CGN: variants seen among roughly 807,000 people sequenced by gnomAD.
CGN encodes cingulin.
A neutral mutation model predicts 157.1 loss-of-function variants in CGN; 121 were observed. The ratio of observed to expected loss-of-function variants is 0.77; its 90% CI spans 0.66 to 0.90. The LOEUF (loss-of-function observed/expected upper bound fraction) is 0.90, where lower values mean the gene tolerates loss of function less well. CGN is among the 40% of genes least tolerant of loss of function. The probability of loss-of-function intolerance (pLI) is 0.00; values close to 1 mark genes in which losing one functional copy is unlikely to be tolerated. For missense variants in CGN, 1,424 were observed against 1,520.9 expected (o/e 0.94, Z 1.06); for synonymous variants, 535 against 607.5 (o/e 0.88, Z 1.76).
At position 151,523,454 on chromosome 1, in the gene CGN, A is replaced by G; in HGVS notation, c.1161A>G (p.Pro387=). ...EEVKKRQKLE[P]SQVGLERQLE... is the part of the protein sequence containing the mutation. ...TACAGAAGCGGCAGAAGCTAGAGCC[A>G]TCCCAAGTTGGGCTGGAGCGGCAGC... The change falls in exon 6 of 21, where the codon CCA becomes CCG. Residue 387 remains proline, a synonymous_variant. Coordinates refer to ENST00000271636, the MANE Select transcript of CGN (RefSeq NM_020770.3). 2 of 1,613,074 alleles carry G rather than the reference A, an allele frequency of 1.2e-6. No homozygotes were observed. The highest frequency in any genetic ancestry group is 2.2e-5 in the East Asian group (1 of 44,858).
chr1:151,519,100 G>A lies in CGN; in HGVS notation c.581G>A (p.Arg194Gln), dbSNP rs563727271. 7 of 1,614,088 alleles carry A rather than the reference G, an allele frequency of 4.3e-6. No homozygotes were observed. The Admixed American group carries it at 5.0e-5, about 12-fold the overall frequency. Reference sequence around the variant, plus strand: ...GACAGTCAACTTGGAGGCCAGGCCCGGGGTCGGACTGGCCGCCGAACACGG... The same window carrying A: ...GACAGTCAACTTGGAGGCCAGGCCCAGGGTCGGACTGGCCGCCGAACACGG... ...KFDSQLGGQA[R>Q]GRTGRRTRML... The change falls in exon 2 of 21, where the codon CGG becomes CAG. Residue 194 changes from arginine to glutamine, a missense_variant. By Grantham distance (43) the Arg-to-Gln change is conservative. Around this residue, in one of 3 missense-constraint regions of CGN, gnomAD observed 1,187 missense variants for 1,217.6 expected, o/e 0.97. Coordinates refer to ENST00000271636, the MANE Select transcript of CGN (RefSeq NM_020770.3).
upstream of CGN, among the ~76,000 whole-genome samples, chr1:151,511,234 G>A (rs960915201): frequency 1.5e-4 from 23 of 152,204 alleles, no homozygotes; most frequent in Non-Finnish European, 2.1e-4. The surrounding 1 kb of genome is among the most constrained non-coding windows in gnomAD (Gnocchi z 4.8). Flanking sequence ...GCCCTTCGCG[G>A]CTGGAGACCC....
intron 11 of CGN, 56 bp downstream of exon 11, chr1:151,529,615 T>C: frequency 4.7e-6 from 7 of 1,490,212 alleles, no homozygotes; most frequent in Non-Finnish European, 6.5e-6. Flanking sequence ...TCTGGAGGGC[T>C]GAGGAGCCAG....
In CGN at chr1:151,511,989, C is replaced by T. The variant is rs756338935; in HGVS notation, c.-15+474C>T. ...TGCGGTCTCAGCTGGCCGTTGTCAGCACCCTGGTGGCTTTGAGATGACTCT... is the reference window on the plus strand; with the variant it reads ...TGCGGTCTCAGCTGGCCGTTGTCAGTACCCTGGTGGCTTTGAGATGACTCT... On this transcript the variant is annotated intron_variant, in intron 1 of 20. Coordinates refer to ENST00000271636, the MANE Select transcript of CGN (RefSeq NM_020770.3). The surrounding 1 kb of genome is among the most constrained non-coding windows in gnomAD (Gnocchi z 4.8). Among the ~76,000 whole-genome samples, 13 of 152,162 alleles carry T rather than the reference C, an allele frequency of 8.5e-5. No homozygotes were observed. The highest frequency in any genetic ancestry group is 1.0e-4 in the Non-Finnish European group (7 of 68,026).
intron 12 of CGN, 43 bp downstream of exon 12, chr1:151,530,158 T>C: frequency 1.3e-6 from 2 of 1,567,388 alleles, no homozygotes; most frequent in Non-Finnish European, 1.7e-6. Context: ...TCAGCCCTGG[T>C]GAAATACTCC....
At chr1:151,513,406 T>C (rs1664343763) in intron 1 of CGN, among the ~76,000 whole-genome samples, 1 of 152,208 alleles carries the variant, frequency 6.6e-6, no homozygotes, top group African/African-American at 2.4e-5. Flanking sequence ...TGGGGGATTC[T>C]TTTTGGATCC....
chr1:151,520,112 C>A (rs1319793735), intron 2 of CGN, 54 bp from the exon 3 acceptor site: 91 of 1,422,280 alleles, frequency 6.4e-5, no homozygotes, highest in Non-Finnish European at 8.5e-5. Context: ...CTGGCCTAAT[C>A]TTCCTATTTC....
intron 6 of CGN, 25 bp downstream of exon 6, chr1:151,523,586 C>T (rs752771462): frequency 3.6e-5 from 57 of 1,578,478 alleles, no homozygotes; most frequent in African/African-American, 1.4e-4. Flanking sequence ...TGGCGCACCT[C>T]GGGCTGCTTG....
chr1:151,526,650 T>G (rs1664688310), intron 9 of CGN, among the ~76,000 whole-genome samples: 1 of 152,114 alleles, frequency 6.6e-6, no homozygotes, highest in Non-Finnish European at 1.5e-5. Context: ...ATTTTTGTAT[T>G]TTTTGTAGAG....
At chr1:151,534,982 C>A in intron 15 of CGN, 60 bp from the exon 16 acceptor site, 2 of 1,215,536 alleles carry the variant, frequency 1.6e-6, no homozygotes, top group South Asian at 2.5e-5. Flanking sequence ...GGCTCCTGGT[C>A]TGAGTTTGGC....
chr1:151,527,950 ATT>A (rs374689451), intron 10 of CGN: 569 of 81,262 alleles, frequency 7.0e-3, no homozygotes, highest in Non-Finnish European at 9.7e-3. Context: ...ATATATATAT[ATT>A]TTTTTTTTTT....
chr1:151,530,154 C>T, intron 12 of CGN, 39 bp downstream of exon 12: 1 of 1,577,368 alleles, frequency 6.3e-7, no homozygotes, highest in Non-Finnish European at 8.7e-7. Context: ...CTGCTCAGCC[C>T]TGGTGAAATA....
Position 151,520,201 on chromosome 1 carries a change from G to A in CGN, c.909G>A (p.Gln303=). Residue 303 remains glutamine, a synonymous_variant, in exon 3 of 21, where the codon CAG becomes CAA. Transcript: ENST00000271636. ...CTCCAGACCTCCTTCGAGACCAGCA[G>A]GAGGCAGCCCCACCAGGCAGTGTGG... ...KSTPDLLRDQ[Q]EAAPPGSVDH... 1 of 1,613,588 alleles carries A rather than the reference G, an allele frequency of 6.2e-7. No homozygotes were observed. The highest frequency in any genetic ancestry group is 8.5e-7 in the Non-Finnish European group (1 of 1,179,928).
chr1:151,534,270 A>G (rs1255248144), intron 15 of CGN, 134 bp downstream of exon 15: 2 of 865,642 alleles, frequency 2.3e-6, no homozygotes, highest in African/African-American at 1.8e-5. Context: ...CTTTGAATCA[A>G]TTGCCAATGT....
Position 151,535,668 on chromosome 1 carries a change from C to T in CGN, c.3063C>T (p.Ile1021=), listed in dbSNP as rs1441506428. 10 of 1,613,898 alleles carry T rather than the reference C, an allele frequency of 6.2e-6. No homozygotes were observed. The highest frequency in any genetic ancestry group is 8.5e-6 in the Non-Finnish European group (10 of 1,179,910). ...SARQDLECDK[I]SLERQNKDLK... ...GGCAGGACCTGGAGTGTGACAAAAT[C>T]TCCTTGGAGAGACAGGTGATGGGGG... Residue 1021 remains isoleucine (I), a synonymous_variant, in exon 17 of 21, where the codon ATC becomes ATT. Coordinates refer to ENST00000271636, the MANE Select transcript of CGN (RefSeq NM_020770.3).
intron 12 of CGN, among the ~76,000 whole-genome samples, 154 bp from the exon 13 acceptor site, chr1:151,530,335 G>A (rs1278414759): frequency 6.6e-6 from 1 of 152,102 alleles, no homozygotes; most frequent in Admixed American, 6.6e-5. Context: ...CCCTTTGCTT[G>A]CTCTATGTGT....
intron 14 of CGN, among the ~76,000 whole-genome samples, chr1:151,533,197 G>A (rs892722944): frequency 1.3e-5 from 2 of 152,204 alleles, no homozygotes; most frequent in African/African-American, 4.8e-5. Context: ...CAATAAAGAA[G>A]CTGAGGACGG....
intron 11 of CGN, 55 bp from the exon 12 acceptor site, chr1:151,529,854 G>T: frequency 6.5e-7 from 1 of 1,530,308 alleles, no homozygotes; most frequent in South Asian, 1.2e-5. Context: ...CAAGCCCTGG[G>T]GTCTGAGCTG....
chr1:151,511,321 G>T (rs570695478), upstream of CGN: 1 of 153,378 alleles, frequency 6.5e-6, no homozygotes, highest in Non-Finnish European at 1.5e-5. The surrounding 1 kb of genome is among the most constrained non-coding windows in gnomAD (Gnocchi z 4.8). Flanking sequence ...GGCGGGGCGG[G>T]CACTGACGGC....
Sources: gnomAD v4.1 joint callset for allele counts (sites outside exome capture counted in the v4.1 genomes callset) on GRCh38, gnomAD v4.1.1 for gene constraint, gnomAD v4.1.1 regional missense constraint, Gnocchi (gnomAD v3.1) non-coding constraint, MANE v1.5 for transcripts, NCBI Gene and HGNC (gene_info 2026-07-23, HGNC 2026-07-21) for gene names.